Variants in COL4A1 observed in about 807,000 individuals in gnomAD.
COL4A1 encodes the protein collagen type IV alpha 1 chain, also known as collagen alpha-1(IV) chain.
In COL4A1, 40 loss-of-function variants were observed where a neutral mutation model predicts 216.6. That is an observed-to-expected ratio of 0.18 (90% CI 0.14 to 0.24). The LOEUF (loss-of-function observed/expected upper bound fraction) is 0.24. COL4A1 is among the 10% of genes least tolerant of loss of function. COL4A1 has a pLI of 1.00. For synonymous variants in COL4A1, 839 were observed against 810.7 expected (o/e 1.03, Z -0.59); for missense variants, 1,628 against 2,196.8 (o/e 0.74, Z 5.18).
intron 2 of COL4A1, among the ~76,000 whole-genome samples, chr13:110,214,580 G>A (rs1879979660): frequency 6.6e-6 from 1 of 152,108 alleles, no homozygotes; most frequent in Non-Finnish European, 1.5e-5. Flanking sequence ...GGCCCGGATA[G>A]AACAAAAAGG....
chr13:110,210,963 G>A (rs943787842), intron 8 of COL4A1, among the ~76,000 whole-genome samples: 10 of 152,156 alleles, frequency 6.6e-5, no homozygotes, highest in African/African-American at 2.2e-4. Context: ...CAATGCTTTA[G>A]AAGCAGTTTC....
At chr13:110,298,261 G>A (rs1331287690) in intron 1 of COL4A1, among the ~76,000 whole-genome samples, 1 of 152,172 alleles carries the variant, frequency 6.6e-6, no homozygotes, top group Admixed American at 6.5e-5. Flanking sequence ...AGTCAGACTA[G>A]ACAGGCTTTA....
In COL4A1 at chr13:110,150,425, A is replaced by C; in HGVS notation, c.4948T>G (p.Leu1650Val). The C allele has an allele frequency of 6.2e-7, 1 of 1,614,088 alleles. No homozygotes were observed. Among genetic ancestry groups the C allele is most frequent in the South Asian group, 1.1e-5 (1 of 91,060 alleles). Residue 1650 changes from leucine (L) to valine (V), a missense_variant, in exon 52 of 52, where the codon TTG becomes GTG. Coordinates refer to ENST00000375820, the MANE Select transcript of COL4A1 (RefSeq NM_001845.6). The stretch of plus-strand genomic sequence containing the variant: ...TGCGTGCGCAGCTCCCCTGCCTTCA[A>C]GGTGGACGGCGTAGGCTTCCTAAAA... ...EMFKKPTPST[L>V]KAGELRTHVS...
chr13:110,266,397 G>A (rs1008730128), intron 1 of COL4A1, among the ~76,000 whole-genome samples: 9 of 152,208 alleles, frequency 5.9e-5, no homozygotes, highest in African/African-American at 2.2e-4. Flanking sequence ...CTCAGGAAAA[G>A]CAAGAGAAGG....
intron 51 of COL4A1, among the ~76,000 whole-genome samples, chr13:110,150,898 G>A (rs1876472161): frequency 6.6e-6 from 1 of 152,126 alleles, no homozygotes; most frequent in African/African-American, 2.4e-5. Context: ...AATATTTGTG[G>A]AATGATGTGA....
intron 1 of COL4A1, among the ~76,000 whole-genome samples, chr13:110,278,922 G>A (rs912617798): frequency 1.3e-5 from 2 of 152,016 alleles, no homozygotes; most frequent in African/African-American, 4.8e-5. Flanking sequence ...TACAAATCAT[G>A]TTTTTTCCTG....
intron 4 of COL4A1, 115 bp from the exon 5 acceptor site, chr13:110,212,733 C>A: frequency 5.8e-6 from 7 of 1,214,022 alleles, no homozygotes; most frequent in Admixed American, 1.8e-5. Flanking sequence ...AGAACACACA[C>A]AAAGCAGACA....
chr13:110,273,847 G>T (rs930882036), intron 1 of COL4A1, among the ~76,000 whole-genome samples: 1 of 152,082 alleles, frequency 6.6e-6, no homozygotes, highest in Non-Finnish European at 1.5e-5. Context: ...TTGCAGACGC[G>T]CATCTGCCAA....
At chr13:110,222,523 T>C (rs61963276) in intron 2 of COL4A1, among the ~76,000 whole-genome samples, 13,194 of 137,356 alleles carry the variant, frequency 0.096, 1,054 homozygotes, top group East Asian at 0.17. Context: ...CCTGTAATCC[T>C]AGCACTTTGG....
intron 51 of COL4A1, among the ~76,000 whole-genome samples, 167 bp from the exon 52 acceptor site, chr13:110,150,611 C>G (rs758254249): frequency 1.3e-5 from 2 of 152,228 alleles, no homozygotes; most frequent in Non-Finnish European, 1.5e-5. Flanking sequence ...GCAGTGCACA[C>G]ACGGTCCCAC....
intron 43 of COL4A1, among the ~76,000 whole-genome samples, chr13:110,168,203 C>G (rs1877432140): frequency 6.6e-6 from 1 of 152,086 alleles, no homozygotes; most frequent in Non-Finnish European, 1.5e-5. Flanking sequence ...TTAGTAGAGA[C>G]AGGGTTTTGC....
chr13:110,187,036 A>G (rs529932222), intron 25 of COL4A1, 102 bp downstream of exon 25: 40 of 1,422,060 alleles, frequency 2.8e-5, no homozygotes, highest in Admixed American at 8.5e-5. Context: ...TGCCATCATC[A>G]AGGAGATAGA....
intron 1 of COL4A1, chr13:110,266,076 C>A (rs952742287): frequency 2.6e-5 from 4 of 152,216 alleles, no homozygotes; most frequent in African/African-American, 7.2e-5. Flanking sequence ...AGCAGGGGGA[C>A]TGAGCCAGCA....
chr13:110,174,181 C>G (rs1877771804), intron 39 of COL4A1, among the ~76,000 whole-genome samples, 183 bp from the exon 40 acceptor site: 1 of 152,182 alleles, frequency 6.6e-6, no homozygotes, highest in Non-Finnish European at 1.5e-5. Context: ...GCAACACCAC[C>G]AAACCCTGAC....
At position 110,307,087 on chromosome 13, in the gene COL4A1, G is replaced by C. The variant is rs1048196661; in HGVS notation, c.-60C>G. 2.3e-6 allele frequency: 3 copies of C among 1,328,250 alleles called. No individual in the cohort carries two copies. The African/African-American group carries it at 4.6e-5, about 21-fold the overall frequency. 82.3% of individuals were successfully genotyped at this position (1,328,250 alleles called of 1,614,324 possible). A position where few individuals can be genotyped will look rare whatever the true frequency, so the allele number is the denominator to read the frequency against. On this transcript the variant is annotated 5_prime_UTR_variant, in exon 1 of 52. Transcript: ENST00000375820. The surrounding 1 kb of genome is among the most constrained non-coding windows in gnomAD (Gnocchi z 5.0). ...CGGCGTGCGGGGGCCGCGGCGGACAGCTAGCTCTCGGAAGGCCGGACTTCC... is the reference window on the plus strand; with the variant it reads ...CGGCGTGCGGGGGCCGCGGCGGACACCTAGCTCTCGGAAGGCCGGACTTCC...
chr13:110,203,954 A>C (rs532455610), intron 17 of COL4A1, among the ~76,000 whole-genome samples: 1 of 152,240 alleles, frequency 6.6e-6, no homozygotes, highest in East Asian at 1.9e-4. Flanking sequence ...TTTCAATTTT[A>C]AAAAGAGAAA....
intron 24 of COL4A1, among the ~76,000 whole-genome samples, chr13:110,189,781 T>C (rs1878553386): frequency 6.6e-6 from 1 of 152,218 alleles, no homozygotes; most frequent in Non-Finnish European, 1.5e-5. Flanking sequence ...TCGGGCTGCC[T>C]TCTGGTCCTC....
chr13:110,243,586 T>C (rs1375649296), intron 1 of COL4A1, among the ~76,000 whole-genome samples: 1 of 152,236 alleles, frequency 6.6e-6, no homozygotes, highest in Non-Finnish European at 1.5e-5. Context: ...CCCAAAGTGC[T>C]GGGATTATAG....
At chr13:110,213,112 AG>A (rs1053740007) in intron 4 of COL4A1, among the ~76,000 whole-genome samples, 3 of 152,134 alleles carry the variant, frequency 2.0e-5, no homozygotes, top group African/African-American at 7.2e-5. Context: ...TTCGGGACTC[AG>A]GTGGGGGGAA....
Sources: gnomAD v4.1 joint callset for allele counts (sites outside exome capture counted in the v4.1 genomes callset) on GRCh38, gnomAD v4.1.1 for gene constraint, Gnocchi (gnomAD v3.1) non-coding constraint, MANE v1.5 for transcripts, NCBI Gene and HGNC (gene_info 2026-07-23, HGNC 2026-07-21) for gene names.